The following TAOK1 variants were observed in gnomAD, a reference collection of about 807,000 sequenced individuals.
The protein encoded by TAOK1 is TAO kinase 1, also known as serine/threonine-protein kinase TAO1.
A neutral mutation model predicts 138.3 loss-of-function variants in TAOK1; 21 were observed. That is an observed-to-expected ratio of 0.15 (90% CI 0.11 to 0.22). TAOK1 has a LOEUF of 0.22. TAOK1 is among the 10% of genes least tolerant of loss of function. TAOK1 has a pLI of 1.00. For synonymous variants in TAOK1, 361 were observed against 398.4 expected, an observed-to-expected ratio of 0.91 and a Z score of 1.12; for missense variants, 651 against 1,227.7, an observed-to-expected ratio of 0.53 and a Z score of 7.02.
intron 1 of TAOK1, among the ~76,000 whole-genome samples, chr17:29,399,059 T>C (rs1157590417): frequency 6.6e-6 from 1 of 151,124 alleles, no homozygotes; most frequent in African/African-American, 2.4e-5. Flanking sequence ...CGATCTCGGC[T>C]GCCTGCAGCC....
At chr17:29,482,651 C>A (rs999683031) in intron 8 of TAOK1, among the ~76,000 whole-genome samples, 1 of 151,530 alleles carries the variant, frequency 6.6e-6, no homozygotes, top group Middle Eastern at 3.2e-3. Context: ...GGGGTAGTTA[C>A]TACTTTTTTT....
At chr17:29,488,462 C>T (rs2031221378) in intron 8 of TAOK1, among the ~76,000 whole-genome samples, 2 of 146,980 alleles carry the variant, frequency 1.4e-5, no homozygotes, top group Non-Finnish European at 3.1e-5. Context: ...CCCAGGTACT[C>T]GGGAGGCTGA....
intron 18 of TAOK1, 41 bp from the exon 19 acceptor site, chr17:29,534,077 A>G (rs772519486): frequency 1.6e-5 from 25 of 1,542,294 alleles, no homozygotes; most frequent in Non-Finnish European, 2.2e-5. Flanking sequence ...AGCTAACATT[A>G]GGATATATCT....
intron 7 of TAOK1, among the ~76,000 whole-genome samples, chr17:29,481,453 G>A (rs972836420): frequency 6.6e-6 from 1 of 151,932 alleles, no homozygotes; most frequent in Admixed American, 6.6e-5. Context: ...GCCTCCCAAA[G>A]TGCTGGGATT....
chr17:29,520,323 C>T (rs558978662), intron 16 of TAOK1, among the ~76,000 whole-genome samples: 5 of 152,164 alleles, frequency 3.3e-5, no homozygotes, highest in East Asian at 1.9e-4. Context: ...GGTGCAGTGG[C>T]TCACACCTAT....
intron 17 of TAOK1, among the ~76,000 whole-genome samples, chr17:29,529,048 C>T (rs1290461687): frequency 2.0e-5 from 3 of 150,682 alleles, no homozygotes; most frequent in Non-Finnish European, 4.4e-5. Flanking sequence ...CATGGTTCAC[C>T]GCAGCCTTGA....
At chr17:29,509,025 A>G (rs2031673225) in intron 14 of TAOK1, among the ~76,000 whole-genome samples, 1 of 152,218 alleles carries the variant, frequency 6.6e-6, no homozygotes, top group Non-Finnish European at 1.5e-5. Context: ...TTCACAAAAA[A>G]AGAACATTCT....
intron 1 of TAOK1, among the ~76,000 whole-genome samples, chr17:29,449,792 G>A (rs984683446): frequency 6.6e-6 from 1 of 152,176 alleles, no homozygotes; most frequent in African/African-American, 2.4e-5. Flanking sequence ...AGTGAGCTGA[G>A]ATTGTGCCAT....
intron 17 of TAOK1, among the ~76,000 whole-genome samples, chr17:29,526,240 G>A (rs552500291): frequency 3.9e-5 from 6 of 152,010 alleles, no homozygotes; most frequent in African/African-American, 9.6e-5. Flanking sequence ...AGCCAAGATC[G>A]CGCCATTCCA....
intron 10 of TAOK1, among the ~76,000 whole-genome samples, chr17:29,493,022 T>C (rs1166142229): frequency 1.3e-5 from 2 of 151,410 alleles, no homozygotes; most frequent in African/African-American, 4.9e-5. Context: ...ACTCGTGTAG[T>C]CCCAAATACT....
chr17:29,475,904 C>T (rs768391759), intron 4 of TAOK1, 133 bp downstream of exon 4: 59 of 698,880 alleles, frequency 8.4e-5, no homozygotes, highest in Non-Finnish European at 1.2e-4. Flanking sequence ...TGAAAGAAAA[C>T]AAGCAATATT....
rs1455559674 is a variant in TAOK1, at chr17:29,550,283, T to G, written c.*7261T>G. 1.3e-5 allele frequency: 2 copies of G among 152,232 alleles called. No individual in the cohort carries two copies. Among genetic ancestry groups the G allele is most frequent in the Non-Finnish European group, 2.9e-5 (2 of 68,040 alleles). 9.4% of individuals were successfully genotyped at this position (152,232 alleles called of 1,614,324 possible). A position where few individuals can be genotyped will look rare whatever the true frequency, so the allele number is the denominator to read the frequency against. On this transcript the variant is annotated 3_prime_UTR_variant, in exon 20 of 20. Transcript: ENST00000261716. The stretch of plus-strand genomic sequence containing the variant: ...AAGCAATGGTCGGATGTAAATAACA[T>G]TTAAAGTATAGTGCACATAACTTCC...
intron 13 of TAOK1, among the ~76,000 whole-genome samples, chr17:29,504,296 AAAG>A (rs2031588348): frequency 1.3e-5 from 2 of 149,880 alleles, no homozygotes; most frequent in African/African-American, 4.9e-5. Flanking sequence ...AAAAAAAAAA[AAAG>A]GAAAGGAAGA....
Position 29,488,576 on chromosome 17 carries a change from A to AAATAATAATAATAAT in TAOK1, c.656-1069_656-1055dup, listed in dbSNP as rs150004739. On this transcript the variant is annotated intron_variant, in intron 8 of 19. Transcript: ENST00000261716. ...AACAAGAGTGAAACCACATCTCAAA[A>AAATAATAATAATAAT]AATAATAATAATAATAATAATAATA... Among the ~76,000 whole-genome samples, 667 of 145,464 alleles carry AAATAATAATAATAAT rather than the reference A, an allele frequency of 4.6e-3. 2 individuals carry two copies. The highest frequency in any genetic ancestry group is 0.022 in the Middle Eastern group (6 of 274).
intron 1 of TAOK1, among the ~76,000 whole-genome samples, chr17:29,425,262 G>A (rs1335880516): frequency 1.3e-5 from 2 of 152,118 alleles, no homozygotes; most frequent in African/African-American, 4.8e-5. Flanking sequence ...TAGTAGAGAT[G>A]GGGTTTTAAC....
intron 15 of TAOK1, 151 bp downstream of exon 15, chr17:29,511,143 T>C: frequency 1.9e-6 from 1 of 530,616 alleles, no homozygotes; most frequent in East Asian, 3.4e-5. Context: ...TTGATTATAA[T>C]CAGTTACCCT....
At chr17:29,521,708 G>C (rs540136042) in intron 16 of TAOK1, among the ~76,000 whole-genome samples, 87 of 152,190 alleles carry the variant, frequency 5.7e-4, no homozygotes, top group African/African-American at 2.0e-3. Context: ...TCAGCCTCCC[G>C]CGTAGCTGGG....
chr17:29,458,177 T>C (rs1348254410), intron 2 of TAOK1, among the ~76,000 whole-genome samples: 1 of 152,236 alleles, frequency 6.6e-6, no homozygotes, highest in Non-Finnish European at 1.5e-5. Flanking sequence ...CATTCTTTTG[T>C]TGGCAGAAAG....
At chr17:29,400,295 G>A (rs1015624796) in intron 1 of TAOK1, among the ~76,000 whole-genome samples, 3 of 150,906 alleles carry the variant, frequency 2.0e-5, no homozygotes, top group African/African-American at 7.3e-5. Flanking sequence ...TTGGGAGGCT[G>A]AGGCAGGAGA....
Sources: allele counts gnomAD v4.1 joint callset (sites outside exome capture counted in the v4.1 genomes callset), GRCh38; gene constraint gnomAD v4.1.1; transcripts MANE v1.5; gene names NCBI Gene and HGNC (gene_info 2026-07-23, HGNC 2026-07-21).